ADGRB3: variants seen among roughly 807,000 people sequenced by gnomAD.
ADGRB3 encodes brain-specific angiogenesis inhibitor 3.
In ADGRB3, 37 loss-of-function variants were observed where a neutral mutation model predicts 193.4. That is an observed-to-expected ratio of 0.19 (90% confidence interval 0.15 to 0.25). The LOEUF (loss-of-function observed/expected upper bound fraction) is 0.25. ADGRB3 is among the 10% of genes least tolerant of loss of function. ADGRB3 has a pLI of 1.00. For synonymous variants in ADGRB3, 690 were observed against 644.2 expected, an observed-to-expected ratio of 1.07 and a Z score of -1.08; for missense variants, 1,637 against 1,852.9, an observed-to-expected ratio of 0.88 and a Z score of 2.14.
intron 16 of ADGRB3, among the ~76,000 whole-genome samples, chr6:69,073,430 A>G (rs938273849): frequency 1.3e-5 from 2 of 152,118 alleles, no homozygotes; most frequent in South Asian, 4.2e-4. Context: ...TTCTTGTTAC[A>G]TGGCCATGAG....
chr6:69,047,194 C>G (rs1461957268), intron 13 of ADGRB3, among the ~76,000 whole-genome samples: 1 of 152,124 alleles, frequency 6.6e-6, no homozygotes, highest in African/African-American at 2.4e-5. Flanking sequence ...ATTGCAATAG[C>G]TTTTACAATT....
At chr6:68,813,094 T>C (rs895197818) in intron 3 of ADGRB3, among the ~76,000 whole-genome samples, 6 of 152,172 alleles carry the variant, frequency 3.9e-5, no homozygotes, top group Non-Finnish European at 8.8e-5. Context: ...GGGGAGGTCA[T>C]TGAATCATGG....
intron 17 of ADGRB3, among the ~76,000 whole-genome samples, chr6:69,145,307 G>A (rs1825196): frequency 0.66 from 100,431 of 152,076 alleles, 34,269 homozygotes; most frequent in East Asian, 0.95. Flanking sequence ...TATGGGTGCC[G>A]GCTCCCTGCA....
chr6:69,160,670 A>G (rs548291500), intron 17 of ADGRB3, among the ~76,000 whole-genome samples: 1 of 152,242 alleles, frequency 6.6e-6, no homozygotes, highest in South Asian at 2.1e-4. Flanking sequence ...CACCAAAGCA[A>G]TAATTTTTAT....
At chr6:69,296,723 T>C (rs1329117702) in intron 20 of ADGRB3, among the ~76,000 whole-genome samples, 6 of 152,104 alleles carry the variant, frequency 3.9e-5, no homozygotes, top group Admixed American at 3.9e-4. Context: ...TTATGTCATG[T>C]TATCCTCATA....
At chr6:69,238,782 C>T (rs918396807) in intron 19 of ADGRB3, among the ~76,000 whole-genome samples, 11 of 151,326 alleles carry the variant, frequency 7.3e-5, no homozygotes, top group African/African-American at 2.7e-4. Context: ...AGGTATTATA[C>T]TAATTGATAT....
At chr6:69,055,823 CTTTGT>C (rs367960269) in intron 15 of ADGRB3, among the ~76,000 whole-genome samples, 208 of 149,992 alleles carry the variant, frequency 1.4e-3, no homozygotes, top group African/African-American at 3.6e-3. Flanking sequence ...TTTTGTTTTG[CTTTGT>C]TTTGTTTTGT....
intron 3 of ADGRB3, among the ~76,000 whole-genome samples, chr6:68,774,130 A>T (rs1361371950): frequency 6.9e-6 from 1 of 145,632 alleles, no homozygotes; most frequent in Non-Finnish European, 1.5e-5. Context: ...TTAAAAGTTC[A>T]TAAAACTTAG....
At chr6:68,843,549 A>T (rs758497743) in intron 3 of ADGRB3, among the ~76,000 whole-genome samples, 2 of 152,116 alleles carry the variant, frequency 1.3e-5, no homozygotes, top group Non-Finnish European at 2.9e-5. Flanking sequence ...AAGATATTCC[A>T]TGTTCATGGA....
chr6:68,936,453 G>A (rs1767488017), intron 4 of ADGRB3, 66 bp from the exon 5 acceptor site: 2 of 1,456,576 alleles, frequency 1.4e-6, no homozygotes, highest in Non-Finnish European at 1.9e-6. Flanking sequence ...ATGTCAGTTT[G>A]GTATAATGCT....
At chr6:68,909,953 T>C (rs1325930020) in intron 3 of ADGRB3, among the ~76,000 whole-genome samples, 1 of 152,220 alleles carries the variant, frequency 6.6e-6, no homozygotes, top group Non-Finnish European at 1.5e-5. Flanking sequence ...ATGGTATTTC[T>C]AGTTCTAGAT....
intron 20 of ADGRB3, among the ~76,000 whole-genome samples, chr6:69,315,884 T>C (rs1768299533): frequency 6.6e-6 from 1 of 151,444 alleles, no homozygotes; most frequent in Non-Finnish European, 1.5e-5. Flanking sequence ...AAATAATTAT[T>C]GATTTCTTCA....
chr6:68,864,823 G>A (rs186694281), intron 3 of ADGRB3, among the ~76,000 whole-genome samples: 17 of 152,274 alleles, frequency 1.1e-4, no homozygotes, highest in Admixed American at 9.8e-4. Context: ...AGTGTTTTCT[G>A]AAGATAGTTG....
intron 20 of ADGRB3, among the ~76,000 whole-genome samples, chr6:69,249,110 T>A (rs1766562724): frequency 6.6e-6 from 1 of 152,192 alleles, no homozygotes; most frequent in Non-Finnish European, 1.5e-5. Context: ...CCTGAGTAGC[T>A]GGGATTACAG....
intron 3 of ADGRB3, among the ~76,000 whole-genome samples, chr6:68,740,077 C>CA (rs754109965): frequency 3.3e-5 from 5 of 152,088 alleles, no homozygotes; most frequent in African/African-American, 4.8e-5. Flanking sequence ...TCTATTTTAT[C>CA]AGTTATTTTA....
chr6:69,102,288 T>G (rs1310349741), intron 17 of ADGRB3, among the ~76,000 whole-genome samples: 1 of 152,056 alleles, frequency 6.6e-6, no homozygotes, highest in Non-Finnish European at 1.5e-5. Context: ...GTAGTGAACC[T>G]AGAAAAGTGA....
chr6:69,070,314 C>A (rs755211336), intron 16 of ADGRB3, among the ~76,000 whole-genome samples: 8 of 151,928 alleles, frequency 5.3e-5, no homozygotes, highest in Non-Finnish European at 1.0e-4. Context: ...CACTTTATTT[C>A]TTTTTTTAAG....
At chr6:69,203,679 C>A (rs145652077) in intron 17 of ADGRB3, among the ~76,000 whole-genome samples, 44 of 152,254 alleles carry the variant, frequency 2.9e-4, no homozygotes, top group African/African-American at 1.0e-3. Context: ...ACACATTATT[C>A]TCTGTAACAT....
chr6:68,711,518 G>A (rs1228855301), intron 3 of ADGRB3, among the ~76,000 whole-genome samples: 3 of 152,004 alleles, frequency 2.0e-5, no homozygotes, highest in African/African-American at 7.2e-5. Flanking sequence ...GTATGCCTTT[G>A]GAAATTGTCC....
Sources: allele counts gnomAD v4.1 joint callset (sites outside exome capture counted in the v4.1 genomes callset), GRCh38; gene constraint gnomAD v4.1.1; transcripts MANE v1.5; gene names NCBI Gene and HGNC (gene_info 2026-07-23, HGNC 2026-07-21).